KIAA1549: variants seen among roughly 807,000 people sequenced by gnomAD.
KIAA1549 encodes the protein KIAA1549, also known as UPF0606 protein KIAA1549.
Under a neutral mutation model 156.4 loss-of-function variants are expected in KIAA1549, and 70 were observed. The ratio of observed to expected loss-of-function variants is 0.45; its 90% CI spans 0.37 to 0.55. The LOEUF (loss-of-function observed/expected upper bound fraction) is 0.55, where lower values mean the gene tolerates loss of function less well. KIAA1549 is among the 20% of genes least tolerant of loss of function. KIAA1549 has a pLI of 0.00. For missense variants in KIAA1549, 2,428 were observed against 2,540.9 expected, an observed-to-expected ratio of 0.96 and a Z score of 0.96; for synonymous variants, 1,103 against 1,066.4, an observed-to-expected ratio of 1.03 and a Z score of -0.67.
At chr7:138,928,673 G>A (rs1383421743) in intron 1 of KIAA1549, among the ~76,000 whole-genome samples, 3 of 152,180 alleles carry the variant, frequency 2.0e-5, no homozygotes, top group Non-Finnish European at 4.4e-5. Context: ...AATAAAGCAA[G>A]TCACACAAAT....
intron 1 of KIAA1549, among the ~76,000 whole-genome samples, chr7:138,956,479 G>A (rs1305267307): frequency 6.6e-6 from 1 of 152,200 alleles, no homozygotes; most frequent in Non-Finnish European, 1.5e-5. Context: ...GAGGGATCTG[G>A]TGGAAGATAA....
Position 138,918,401 on chromosome 7 carries a change from G to C in KIAA1549, c.1225C>G (p.Leu409Val), listed in dbSNP as rs1812419732. 1 of 1,613,980 alleles carries C rather than the reference G, an allele frequency of 6.2e-7. No homozygotes were observed. The highest frequency in any genetic ancestry group is 8.5e-7 in the Non-Finnish European group (1 of 1,179,888). The change falls in exon 2 of 20, where the codon CTG (leucine) becomes GTG (valine). Residue 409 changes from leucine to valine, a missense_variant. Leu to Val is a conservative substitution (Grantham distance 32, BLOSUM62 1). Transcript: ENST00000422774. This position sits in a 1 kb window ranked among gnomAD's most constrained non-coding sequence, Gnocchi z 4.2. ...GGTCTGAATGAGGACACCGGGCTCAGGATATGAGTGTTGTCCACAGGACCG... is the reference window on the plus strand; with the variant it reads ...GGTCTGAATGAGGACACCGGGCTCACGATATGAGTGTTGTCCACAGGACCG... ...LPGPVDNTHI[L>V]SPVSSFRPYT...
At chr7:138,895,248 A>C (rs1484126443) in intron 9 of KIAA1549, among the ~76,000 whole-genome samples, 1 of 152,228 alleles carries the variant, frequency 6.6e-6, no homozygotes, top group Non-Finnish European at 1.5e-5. Context: ...ACAAAGCAAA[A>C]CAGAGTAAGG....
intron 1 of KIAA1549, among the ~76,000 whole-genome samples, chr7:138,957,535 C>T (rs769828354): frequency 1.7e-4 from 26 of 149,826 alleles, no homozygotes; most frequent in African/African-American, 3.7e-4. Context: ...TGGAGCACAG[C>T]GGCATGGTCT....
chr7:138,873,819 G>T (rs1222645455), intron 12 of KIAA1549, among the ~76,000 whole-genome samples: 1 of 151,680 alleles, frequency 6.6e-6, no homozygotes, highest in Admixed American at 6.6e-5. Context: ...GAGGGACCAA[G>T]CGGAGGAGAG....
rs781113929 is a variant in KIAA1549, at chr7:138,844,410, GTGGCTGC to G, written c.5352_5358del (p.Gln1784HisfsTer39). 2.3e-5 allele frequency: 37 copies of G among 1,602,156 alleles called. No individual in the cohort carries two copies. Among genetic ancestry groups the G allele is most frequent in the Non-Finnish European group, 3.2e-5 (37 of 1,174,038 alleles). ...GCAAATGGGGCTTCGGCGGAGGCCTGTGGCTGCTGAGGGTCAGGGGGCACCAGCTCTG... is the reference window on the plus strand; with the variant it reads ...GCAAATGGGGCTTCGGCGGAGGCCTGTGAGGGTCAGGGGGCACCAGCTCTG... On this transcript the variant is annotated frameshift_variant, in exon 18 of 20. Coordinates refer to ENST00000422774, the MANE Select transcript of KIAA1549 (RefSeq NM_001164665.2). LOFTEE classifies it high-confidence loss of function.
chr7:138,833,042 T>A lies in KIAA1549; in HGVS notation c.*4864A>T. The A allele has an allele frequency of 4.3e-6, 1 of 232,128 alleles. No homozygotes were observed. The highest frequency in any genetic ancestry group is 8.5e-6 in the Non-Finnish European group (1 of 117,388). The allele number at this position is 232,128 out of a possible 1,614,324, so 14.4% of individuals were successfully genotyped here. A position where few individuals can be genotyped will look rare whatever the true frequency, so the allele number is the denominator to read the frequency against. ...CATAGAAATGTGTTTTGTGTTCACA[T>A]GCTCTGTCTGCCGGTACAGAAGTGG... is the stretch of plus-strand genomic sequence containing the variant. On this transcript the variant is annotated 3_prime_UTR_variant, in exon 20 of 20. Coordinates refer to ENST00000422774, the MANE Select transcript of KIAA1549 (RefSeq NM_001164665.2).
chr7:138,838,852 G>T (rs745601977), intron 19 of KIAA1549, among the ~76,000 whole-genome samples: 1 of 152,120 alleles, frequency 6.6e-6, no homozygotes, highest in Non-Finnish European at 1.5e-5. Context: ...GTGTTCCAAA[G>T]TGGATGTGAC....
intron 11 of KIAA1549, 67 bp from the exon 12 acceptor site, chr7:138,879,720 AT>A: frequency 9.2e-7 from 1 of 1,083,748 alleles, no homozygotes; most frequent in Non-Finnish European, 1.3e-6. Context: ...AGTCCCATTA[AT>A]TTGTGTGTGG....
chr7:138,836,610 T>C lies in KIAA1549; in HGVS notation c.*1296A>G, dbSNP rs1242125047. On this transcript the variant is annotated 3_prime_UTR_variant, in exon 20 of 20. Transcript: ENST00000422774. ...AGAACAGCCCTTGCCACTGTTTTCT[T>C]TACCATTATTTGGAAAGTGGGGGAA... 1 of 219,038 alleles carries C rather than the reference T, an allele frequency of 4.6e-6. No individual in the cohort carries two copies. Among genetic ancestry groups the C allele is most frequent in the African/African-American group, 2.2e-5 (1 of 44,538 alleles). The allele number at this position is 219,038 out of a possible 1,614,324, so 13.6% of individuals were successfully genotyped here. A position where few individuals can be genotyped will look rare whatever the true frequency, so the allele number is the denominator to read the frequency against.
intron 1 of KIAA1549, among the ~76,000 whole-genome samples, chr7:138,963,658 G>A (rs1254988574): frequency 6.6e-6 from 1 of 152,178 alleles, no homozygotes; most frequent in Non-Finnish European, 1.5e-5. Context: ...AAACGAAGTA[G>A]GACAGCCGGC....
intron 1 of KIAA1549, among the ~76,000 whole-genome samples, chr7:138,927,208 C>T (rs1461280012): frequency 5.3e-5 from 8 of 152,300 alleles, no homozygotes; most frequent in Admixed American, 4.6e-4. Context: ...TATCCATCTA[C>T]AGTGGATGGA....
intron 9 of KIAA1549, among the ~76,000 whole-genome samples, chr7:138,897,204 T>C (rs1811707003): frequency 6.6e-6 from 1 of 152,220 alleles, no homozygotes; most frequent in South Asian, 2.1e-4. Context: ...TATGAAGAAC[T>C]GTAACGAAGT....
At chr7:138,888,676 G>A (rs998675054) in intron 10 of KIAA1549, among the ~76,000 whole-genome samples, 15 of 152,200 alleles carry the variant, frequency 9.9e-5, no homozygotes, top group Non-Finnish European at 1.9e-4. Context: ...ATGGGCAGAT[G>A]AAAAATTAGG....
intron 1 of KIAA1549, among the ~76,000 whole-genome samples, chr7:138,956,547 G>C (rs531648531): frequency 6.6e-6 from 1 of 152,058 alleles, no homozygotes; most frequent in Non-Finnish European, 1.5e-5. Context: ...TAAGTCTCAC[G>C]AGATCTGATG....
At chr7:138,854,290 G>C (rs1427579395) in intron 16 of KIAA1549, among the ~76,000 whole-genome samples, 1 of 152,162 alleles carries the variant, frequency 6.6e-6, no homozygotes, top group Non-Finnish European at 1.5e-5. Context: ...ATAGGCCCGA[G>C]GTAAAGCAAC....
At chr7:138,912,251 G>A in intron 3 of KIAA1549, 121 bp downstream of exon 3, 2 of 748,644 alleles carry the variant, frequency 2.7e-6, no homozygotes, top group Non-Finnish European at 4.7e-6. Flanking sequence ...ACCAGGAACA[G>A]ACAAGAGGGA....
At chr7:138,846,680 G>A (rs1269992985) in intron 17 of KIAA1549, among the ~76,000 whole-genome samples, 6 of 151,688 alleles carry the variant, frequency 4.0e-5, no homozygotes, top group East Asian at 1.9e-4. Flanking sequence ...TCACAGACAC[G>A]CCCTCCCCCA....
At position 138,874,657 on chromosome 7, in the gene KIAA1549, G is replaced by A. The variant is rs117465391; in HGVS notation, c.4346-3295C>T. Among the ~76,000 whole-genome samples, 12 of 152,290 alleles carry A rather than the reference G, an allele frequency of 7.9e-5. No individual in the cohort carries two copies. In the East Asian group the frequency reaches 2.1e-3, roughly 27 times the overall value. On this transcript the variant is annotated intron_variant, in intron 12 of 19. Transcript: ENST00000422774. The stretch of plus-strand genomic sequence containing the variant: ...GGAGAGTAGACTAGAGGTTACTTGA[G>A]GCTGGGAAGGGAAGAGGAGGGACAT...
Sources: gnomAD v4.1 joint callset for allele counts (sites outside exome capture counted in the v4.1 genomes callset) on GRCh38, gnomAD v4.1.1 for gene constraint, Gnocchi (gnomAD v3.1) non-coding constraint, MANE v1.5 for transcripts, NCBI Gene and HGNC (gene_info 2026-07-23, HGNC 2026-07-21) for gene names.